SLA: variants seen among roughly 807,000 people sequenced by gnomAD.
SLA encodes Src like adaptor.
A neutral mutation model predicts 30.3 loss-of-function variants in SLA; 16 were observed. The observed-to-expected ratio is 0.53, with a 90% CI of 0.36 to 0.80. The LOEUF is 0.80. Among genes scored for constraint, SLA ranks in the 30% least tolerant of loss-of-function variants. SLA has a pLI of 0.01. For missense variants in SLA, 310 were observed against 345.2 expected, an observed-to-expected ratio of 0.90 and a Z score of 0.81; for synonymous variants, 143 against 137.8, an observed-to-expected ratio of 1.04 and a Z score of -0.26.
At chr8:133,074,428 C>G (rs1216116899) in intron 2 of SLA, among the ~76,000 whole-genome samples, 3 of 152,184 alleles carry the variant, frequency 2.0e-5, no homozygotes, top group Admixed American at 2.0e-4. Flanking sequence ...AATTTCTTCA[C>G]TTTGCCCTAT....
chr8:133,068,590 AT>A (rs1325016245), intron 2 of SLA, among the ~76,000 whole-genome samples: 1 of 152,078 alleles, frequency 6.6e-6, no homozygotes, highest in African/African-American at 2.4e-5. Flanking sequence ...TCATGGAAGG[AT>A]TGGCAAGAGG....
chr8:133,081,466 A>G (rs1017407464), intron 1 of SLA, among the ~76,000 whole-genome samples: 4 of 152,200 alleles, frequency 2.6e-5, no homozygotes, highest in Admixed American at 2.6e-4. Context: ...AACATCTCCA[A>G]AGTTGGATCA....
chr8:133,054,315 G>A (rs377318620), intron 3 of SLA, among the ~76,000 whole-genome samples: 11 of 152,170 alleles, frequency 7.2e-5, no homozygotes, highest in African/African-American at 1.7e-4. Context: ...TATGCACTGC[G>A]CATGAAAGAA....
rs145623436 is a variant in SLA, at chr8:133,073,358, T to G, written c.-41+1495A>C. The G allele has an allele frequency of 6.6e-4, 100 of 152,310 alleles. 1 individual carries two copies. The East Asian group carries it at 0.013, about 20-fold the overall frequency. 9.4% of individuals were successfully genotyped at this position (152,310 alleles called of 1,614,324 possible). On this transcript the variant is annotated intron_variant, in intron 2 of 8. Transcript: ENST00000338087. The stretch of plus-strand genomic sequence containing the variant: ...ATTAAGCACTCTTAAATAGAATTCT[T>G]CTTCTTATTTTTTTTAGATGAAGTT...
At chr8:133,052,978 A>G (rs1364541327) in intron 3 of SLA, among the ~76,000 whole-genome samples, 1 of 152,186 alleles carries the variant, frequency 6.6e-6, no homozygotes, top group African/African-American at 2.4e-5. Flanking sequence ...TGGCCCCCAC[A>G]TATGAATGGG....
At chr8:133,075,908 T>C (rs1844789087) in intron 1 of SLA, 3 of 152,166 alleles carry the variant, frequency 2.0e-5, no homozygotes, top group Non-Finnish European at 1.5e-5. Flanking sequence ...TTTGGTGAGT[T>C]TGATGTTAAA....
At chr8:133,073,680 T>G (rs1027912671) in intron 2 of SLA, among the ~76,000 whole-genome samples, 28 of 152,122 alleles carry the variant, frequency 1.8e-4, no homozygotes, top group African/African-American at 6.5e-4. Context: ...AACCACACAA[T>G]GACAATTTAA....
At chr8:133,061,128 A>G (rs1842315335) in intron 2 of SLA, among the ~76,000 whole-genome samples, 1 of 152,184 alleles carries the variant, frequency 6.6e-6, no homozygotes, top group Non-Finnish European at 1.5e-5. Context: ...CTCCTGCCTC[A>G]GCCTTCCAAG....
At chr8:133,050,415 T>C (rs879496496) in intron 4 of SLA, 1 of 256,792 alleles carries the variant, frequency 3.9e-6, no homozygotes, top group Non-Finnish European at 7.6e-6. Context: ...TGAATCAGAC[T>C]GCAGAGGTAA....
chr8:133,091,450 G>A (rs1043300094), intron 1 of SLA, among the ~76,000 whole-genome samples: 14 of 152,272 alleles, frequency 9.2e-5, no homozygotes, highest in Non-Finnish European at 1.6e-4. Context: ...CTGCTTGTCC[G>A]GGTAGCTGCC....
At chr8:133,057,826 C>A (rs1262932530) in intron 3 of SLA, among the ~76,000 whole-genome samples, 1 of 151,416 alleles carries the variant, frequency 6.6e-6, no homozygotes, top group Non-Finnish European at 1.5e-5. Context: ...CCAAGGCATT[C>A]ACTGTCCTGG....
chr8:133,068,806 G>C (rs1034530368), intron 2 of SLA, among the ~76,000 whole-genome samples: 2 of 152,242 alleles, frequency 1.3e-5, no homozygotes, highest in African/African-American at 4.8e-5. Flanking sequence ...TTTCTTTCTA[G>C]ATAGACTTTC....
At chr8:133,097,040 C>G (rs2703001) in intron 1 of SLA, among the ~76,000 whole-genome samples, 1 of 152,226 alleles carries the variant, frequency 6.6e-6, no homozygotes, top group African/African-American at 2.4e-5. Context: ...ACAAGCTACT[C>G]TTGGCCAAAG....
intron 1 of SLA, among the ~76,000 whole-genome samples, chr8:133,078,732 A>G (rs1378545415): frequency 6.6e-6 from 1 of 152,228 alleles, no homozygotes; most frequent in Non-Finnish European, 1.5e-5. Flanking sequence ...AGAACAAAAC[A>G]ATGTTCATTA....
chr8:133,049,785 T>G lies in SLA; in HGVS notation c.248+117A>C, dbSNP rs900208346. 3 of 762,350 alleles carry G rather than the reference T, an allele frequency of 3.9e-6. No homozygotes were observed. In the African/African-American group the frequency reaches 5.2e-5, roughly 13 times the overall value. The allele number at this position is 762,350 out of a possible 1,614,324, so 47.2% of individuals were successfully genotyped here. On this transcript the variant is annotated intron_variant, in intron 5 of 8. Coordinates refer to ENST00000338087, the MANE Select transcript of SLA (RefSeq NM_001045556.3). ...ATTGACTGGGTTGGGAGCAGGACTA[T>G]CTCTTCTTGACCCAGTGCCTTCCTT...
intron 1 of SLA, among the ~76,000 whole-genome samples, chr8:133,081,082 A>G (rs1398725373): frequency 1.3e-5 from 2 of 152,222 alleles, no homozygotes; most frequent in East Asian, 1.9e-4. Context: ...TACTAATACT[A>G]CTTTATCATG....
At chr8:133,056,117 T>G (rs1841405297) in intron 3 of SLA, among the ~76,000 whole-genome samples, 2 of 152,222 alleles carry the variant, frequency 1.3e-5, no homozygotes, top group Non-Finnish European at 2.9e-5. Flanking sequence ...CACTCAGGTC[T>G]CCTTTGACAT....
At chr8:133,080,347 C>G (rs1332305270) in intron 1 of SLA, among the ~76,000 whole-genome samples, 1 of 152,194 alleles carries the variant, frequency 6.6e-6, no homozygotes, top group Non-Finnish European at 1.5e-5. Context: ...AACTGGCACT[C>G]ATAGGGCTTA....
intron 7 of SLA, chr8:133,040,445 C>T: frequency 3.2e-6 from 1 of 313,456 alleles, no homozygotes; most frequent in South Asian, 4.8e-5. Context: ...AAGAACGTCT[C>T]TGAGCTTTCC....
Sources: gnomAD v4.1 joint callset for allele counts (sites outside exome capture counted in the v4.1 genomes callset) on GRCh38, gnomAD v4.1.1 for gene constraint, MANE v1.5 for transcripts, NCBI Gene and HGNC (gene_info 2026-07-23, HGNC 2026-07-21) for gene names.